SMCHD1: variants seen among roughly 807,000 people sequenced by gnomAD.
The protein encoded by SMCHD1 is structural maintenance of chromosomes flexible hinge domain containing 1.
Under a neutral mutation model 254.7 loss-of-function variants are expected in SMCHD1, and 78 were observed. That is an observed-to-expected ratio of 0.31 (90% CI 0.26 to 0.37). The LOEUF is 0.37. Ranked by LOEUF, SMCHD1 falls within the 10% of genes least tolerant of loss-of-function variation. The pLI is 1.00. For missense variants in SMCHD1, 1,840 were observed against 2,408.1 expected, an observed-to-expected ratio of 0.76 and a Z score of 4.94; for synonymous variants, 766 against 794.9, an observed-to-expected ratio of 0.96 and a Z score of 0.61.
At chr18:2,745,707 G>A (rs796967708) in intron 29 of SMCHD1, among the ~76,000 whole-genome samples, 28 of 152,168 alleles carry the variant, frequency 1.8e-4, no homozygotes, top group African/African-American at 6.5e-4. Flanking sequence ...GTCTTATATC[G>A]TTTTGGGGGA....
chr18:2,730,704 T>G (rs1163883897), intron 24 of SMCHD1, among the ~76,000 whole-genome samples: 1 of 152,250 alleles, frequency 6.6e-6, no homozygotes, highest in East Asian at 1.9e-4. Flanking sequence ...ATCTAATTGG[T>G]TGATTAACTC....
rs770593719 is a variant in SMCHD1 at position 2,688,713 on chromosome 18, A to G, written c.839A>G (p.Glu280Gly). The G allele has an allele frequency of 8.8e-6, 13 of 1,469,234 alleles. 1 individual carries two copies. In the South Asian group the frequency reaches 1.6e-4, roughly 18 times the overall value. 91.0% of individuals were successfully genotyped at this position (1,469,234 alleles called of 1,614,324 possible). The change falls in exon 7 of 48, where the codon GAG becomes GGG. Residue 280 changes from glutamate (E) to glycine (G), a missense_variant. Around this residue, in one of 9 missense-constraint regions of SMCHD1, gnomAD observed 498 missense variants for 743.5 expected, o/e 0.67. Transcript: ENST00000320876. ...EDFEKKEKNK[E>G]AIYSGYIRNR... Reference sequence around the variant, plus strand: ...TTTGAGAAGAAGGAGAAAAATAAAGAGGCAATATATAGTGGATATATTAGA... The same window carrying G: ...TTTGAGAAGAAGGAGAAAAATAAAGGGGCAATATATAGTGGATATATTAGA...
intron 45 of SMCHD1, among the ~76,000 whole-genome samples, chr18:2,792,038 G>A (rs974092242): frequency 2.6e-5 from 4 of 152,058 alleles, no homozygotes; most frequent in African/African-American, 7.3e-5. Context: ...TACTAACTGC[G>A]AGCTGCTATA....
At chr18:2,670,289 C>T (rs1392982707) in intron 3 of SMCHD1, among the ~76,000 whole-genome samples, 1 of 152,090 alleles carries the variant, frequency 6.6e-6, no homozygotes, top group Non-Finnish European at 1.5e-5. Context: ...GCTTGGAATG[C>T]TTTTCCTCCA....
At position 2,655,984 on chromosome 18, in the gene SMCHD1, G is replaced by A; in HGVS notation, c.-92G>A. The A allele has an allele frequency of 9.1e-7, 1 of 1,101,734 alleles. No individual in the cohort carries two copies. Among genetic ancestry groups the A allele is most frequent in the Non-Finnish European group, 1.2e-6 (1 of 867,720 alleles). The allele number at this position is 1,101,734 out of a possible 1,614,324, so 68.2% of individuals were successfully genotyped here. A position where few individuals can be genotyped will look rare whatever the true frequency, so the allele number is the denominator to read the frequency against. On this transcript the variant is annotated 5_prime_UTR_variant, in exon 1 of 48. Transcript: ENST00000320876. ...CGGGCCGAGGCCTCGAGCCGCCCCG[G>A]GAGCTGGAGCTGAAGGCGCCGCGCG... is the stretch of plus-strand genomic sequence containing the variant.
chr18:2,767,561 G>A (rs2075890047), intron 37 of SMCHD1, among the ~76,000 whole-genome samples: 1 of 149,340 alleles, frequency 6.7e-6, no homozygotes, highest in Admixed American at 6.7e-5. Flanking sequence ...TATACACCTG[G>A]GCTATATATC....
Position 2,777,806 on chromosome 18 carries a change from A to G in SMCHD1, c.5367A>G (p.Arg1789=). 6.7e-7 allele frequency: 1 copy of G among 1,501,080 alleles called. No homozygotes were observed. Among genetic ancestry groups the G allele is most frequent in the Non-Finnish European group, 9.0e-7 (1 of 1,114,250 alleles). The allele number at this position is 1,501,080 out of a possible 1,614,324, so 93.0% of individuals were successfully genotyped here. Residue 1789 remains arginine, a splice_region_variant and synonymous_variant, in exon 43 of 48, where the codon AGA becomes AGG. Transcript: ENST00000320876. The stretch of plus-strand genomic sequence containing the variant: ...CTTTTTAAAATTTCTTTTTATTTAG[A>G]TCTCTACCTCATTTCCGAAATGGAA... The part of the protein sequence containing the change: ...IYKKTLPDWK[R]SLPHFRNGKL...
At chr18:2,687,629 C>T (rs1338494024) in intron 5 of SMCHD1, among the ~76,000 whole-genome samples, 1 of 152,142 alleles carries the variant, frequency 6.6e-6, no homozygotes, top group Non-Finnish European at 1.5e-5. Flanking sequence ...CAGCTATTTT[C>T]CATTCTCTGT....
chr18:2,707,721 C>G (rs909373245), intron 16 of SMCHD1, 76 bp downstream of exon 16: 3 of 1,455,710 alleles, frequency 2.1e-6, no homozygotes, highest in East Asian at 2.3e-5. Context: ...TAAAAGGTCA[C>G]GAGATATTAA....
chr18:2,760,468 A>G (rs2075766013), intron 34 of SMCHD1, 184 bp from the exon 35 acceptor site: 2 of 472,290 alleles, frequency 4.2e-6, no homozygotes, highest in Non-Finnish European at 7.7e-6. Context: ...AAGAATGTAC[A>G]GGTAAGAGGA....
chr18:2,656,360 C>T, intron 1 of SMCHD1, 99 bp downstream of exon 1: 2 of 1,109,466 alleles, frequency 1.8e-6, no homozygotes, highest in South Asian at 2.6e-5. Context: ...ACCTGTCACC[C>T]GGTCCCGGTC....
intron 5 of SMCHD1, among the ~76,000 whole-genome samples, chr18:2,685,094 A>ATTTTTTTTTTTTTTT (rs372694951): frequency 3.7e-5 from 3 of 81,880 alleles, no homozygotes; most frequent in African/African-American, 5.1e-5. Flanking sequence ...TCTGTCCCTT[A>ATTTTTTTTTTTTTTT]TTTTTTTCTT....
intron 10 of SMCHD1, 141 bp downstream of exon 10, chr18:2,698,182 G>T (rs1004675732): frequency 8.5e-6 from 5 of 586,884 alleles, no homozygotes; most frequent in Non-Finnish European, 1.2e-5. Context: ...AGATTGTTAG[G>T]TATTTGTAAT....
chr18:2,716,869 G>T (rs1468349750), intron 17 of SMCHD1, among the ~76,000 whole-genome samples: 5 of 152,190 alleles, frequency 3.3e-5, no homozygotes, highest in African/African-American at 4.8e-5. Context: ...TCTGTCTCAG[G>T]CTGCAAAACG....
chr18:2,673,771 G>A (rs557494673), intron 4 of SMCHD1, among the ~76,000 whole-genome samples: 1 of 152,260 alleles, frequency 6.6e-6, no homozygotes, highest in African/African-American at 2.4e-5. Context: ...CTTGGTACAT[G>A]TCTCTGAATA....
chr18:2,683,179 C>G (rs2073968953), intron 5 of SMCHD1, among the ~76,000 whole-genome samples: 1 of 151,928 alleles, frequency 6.6e-6, no homozygotes, highest in South Asian at 2.1e-4. Context: ...GTATTTTCAA[C>G]TTATTTCCTA....
In SMCHD1 at chr18:2,739,929, C is replaced by CT. The variant is rs35312180; in HGVS notation, c.3514+423dup. Among the ~76,000 whole-genome samples, 245 of 144,278 alleles carry CT rather than the reference C, an allele frequency of 1.7e-3. 5 individuals are homozygous for CT. In the South Asian group the frequency reaches 0.031, roughly 18 times the overall value. The allele number at this position is 144,278 out of a possible 152,430, so 94.7% of individuals were successfully genotyped here. ...GTGATACTGTACTCCTAAAAAAATT[C>CT]TTTTTTTTTTTTTTAACATTATACT... On this transcript the variant is annotated intron_variant, in intron 27 of 47. Coordinates refer to ENST00000320876, the MANE Select transcript of SMCHD1 (RefSeq NM_015295.3).
chr18:2,707,371 T>C, intron 15 of SMCHD1, 192 bp from the exon 16 acceptor site: 1 of 344,180 alleles, frequency 2.9e-6, no homozygotes. Flanking sequence ...TTTCTTCTTC[T>C]TTTTTTTCAG....
chr18:2,748,380 G>GTGTGTGTGTGTGTGTGTGTATA (rs561439889), intron 30 of SMCHD1, among the ~76,000 whole-genome samples: 17 of 80,242 alleles, frequency 2.1e-4, no homozygotes, highest in African/African-American at 1.1e-3. Flanking sequence ...GTGTGTGTGT[G>GTGTGTGTGTGTGTGTGTGTATA]TGTATATAAA....
Sources: allele counts gnomAD v4.1 joint callset (sites outside exome capture counted in the v4.1 genomes callset), GRCh38; gene constraint gnomAD v4.1.1; regional missense constraint gnomAD v4.1.1; transcripts MANE v1.5; gene names NCBI Gene and HGNC (gene_info 2026-07-23, HGNC 2026-07-21).